Variants in ACAP2 observed in about 807,000 individuals in gnomAD.
ACAP2 encodes ArfGAP with coiled-coil, ankyrin repeat and PH domains 2, also known as arf-GAP with coiled-coil, ANK repeat and PH domain-containing protein 2.
A neutral mutation model predicts 115.8 loss-of-function variants in ACAP2; 39 were observed. The ratio of observed to expected loss-of-function variants is 0.34; its 90% CI spans 0.26 to 0.44. The LOEUF (loss-of-function observed/expected upper bound fraction) is 0.44, where lower values mean the gene tolerates loss of function less well. Ranked by LOEUF, ACAP2 falls within the 20% of genes least tolerant of loss-of-function variation. The pLI, the probability that ACAP2 is intolerant of heterozygous loss-of-function variation, is 1.00. For synonymous variants in ACAP2, 289 were observed against 315.8 expected, an observed-to-expected ratio of 0.92 and a Z score of 0.90; for missense variants, 662 against 927.6, an observed-to-expected ratio of 0.71 and a Z score of 3.72.
intron 6 of ACAP2, among the ~76,000 whole-genome samples, chr3:195,342,188 A>G (rs1321157542): frequency 6.6e-6 from 1 of 152,176 alleles, no homozygotes; most frequent in Non-Finnish European, 1.5e-5. Flanking sequence ...TGACATAACA[A>G]CTCCAGAGAA....
At chr3:195,415,266 G>A (rs1324545001) in intron 1 of ACAP2, among the ~76,000 whole-genome samples, 1 of 149,362 alleles carries the variant, frequency 6.7e-6, no homozygotes, top group Non-Finnish European at 1.5e-5. Context: ...TGAAACTAAA[G>A]CAGCTCTAAA....
At chr3:195,316,286 C>G (rs1366511854) in intron 10 of ACAP2, among the ~76,000 whole-genome samples, 1 of 151,472 alleles carries the variant, frequency 6.6e-6, no homozygotes, top group African/African-American at 2.4e-5. Flanking sequence ...CTTTTTAGAG[C>G]TTAGAAAATG....
intron 9 of ACAP2, among the ~76,000 whole-genome samples, chr3:195,324,952 G>A (rs561991564): frequency 3.5e-4 from 53 of 152,184 alleles, no homozygotes; most frequent in African/African-American, 1.1e-3. Context: ...AGGCAGCCTG[G>A]TGGAAAAATG....
intron 1 of ACAP2, among the ~76,000 whole-genome samples, chr3:195,435,111 G>A (rs551975218): frequency 4.6e-5 from 7 of 150,664 alleles, no homozygotes; most frequent in Admixed American, 2.0e-4. Flanking sequence ...CTTCCCTTTC[G>A]CTGCTTTGAG....
chr3:195,399,120 C>A (rs910307894), intron 1 of ACAP2, among the ~76,000 whole-genome samples: 2 of 152,110 alleles, frequency 1.3e-5, no homozygotes, highest in Admixed American at 6.6e-5. Flanking sequence ...GTAAGATTTC[C>A]TCCAGGCCCT....
rs191541149 is a variant in ACAP2 at position 195,428,596 on chromosome 3, C to A, written c.53+14199G>T. On this transcript the variant is annotated intron_variant, in intron 1 of 22. Coordinates refer to ENST00000326793, the MANE Select transcript of ACAP2 (RefSeq NM_012287.6). The stretch of plus-strand genomic sequence containing the variant: ...TAGGACCCAGAGGCTATATCATATA[C>A]CCTAGATGTGTAGTAGGCTATACCA... Among the ~76,000 whole-genome samples, 930 of 152,120 alleles carry A rather than the reference C, an allele frequency of 6.1e-3. 9 individuals carry two copies. The highest frequency in any genetic ancestry group is 0.021 in the African/African-American group (887 of 41,490).
intron 1 of ACAP2, among the ~76,000 whole-genome samples, chr3:195,411,394 A>T (rs1713249666): frequency 6.6e-6 from 1 of 152,242 alleles, no homozygotes; most frequent in East Asian, 1.9e-4. Context: ...GTCCACCAAC[A>T]GAAAAATGGA....
intron 1 of ACAP2, among the ~76,000 whole-genome samples, chr3:195,438,987 A>G (rs981543293): frequency 6.6e-6 from 1 of 152,060 alleles, no homozygotes; most frequent in African/African-American, 2.4e-5. Flanking sequence ...CTTGAACCCA[A>G]GAGCCGGAGG....
At chr3:195,292,083 CA>C (rs1167587277) in intron 19 of ACAP2, among the ~76,000 whole-genome samples, 181 bp downstream of exon 19, 1 of 152,118 alleles carries the variant, frequency 6.6e-6, no homozygotes, top group Non-Finnish European at 1.5e-5. Context: ...TCTTCCACTG[CA>C]AAAAAACTTG....
chr3:195,391,903 G>A (rs1373637424), intron 2 of ACAP2, among the ~76,000 whole-genome samples, 187 bp downstream of exon 2: 1 of 152,050 alleles, frequency 6.6e-6, no homozygotes, highest in East Asian at 1.9e-4. Flanking sequence ...GCTGAGGCAG[G>A]AGGATCGTTT....
intron 10 of ACAP2, among the ~76,000 whole-genome samples, chr3:195,319,255 G>A (rs774466357): frequency 6.6e-6 from 1 of 152,220 alleles, no homozygotes; most frequent in Non-Finnish European, 1.5e-5. Flanking sequence ...GAGCCCTCAT[G>A]GAGAACCTCT....
chr3:195,311,092 G>GTT lies in ACAP2; in HGVS notation c.858-2257_858-2256dup, dbSNP rs1437329814. Among the ~76,000 whole-genome samples, 10 of 108,900 alleles carry GTT rather than the reference G, an allele frequency of 9.2e-5. No homozygotes were observed. The South Asian group carries it at 1.9e-3, about 20-fold the overall frequency. 71.4% of individuals were successfully genotyped at this position (108,900 alleles called of 152,430 possible). On this transcript the variant is annotated intron_variant, in intron 10 of 22. Transcript: ENST00000326793. ...ATTAACATTTCATTGTGGTTTTTTT[G>GTT]TTTTTTTTTTGTTTTTTTTTTTGAA...
intron 8 of ACAP2, among the ~76,000 whole-genome samples, chr3:195,330,652 T>C (rs892453964): frequency 2.0e-5 from 3 of 152,176 alleles, no homozygotes; most frequent in Non-Finnish European, 2.9e-5. Flanking sequence ...CTTCCCTATA[T>C]GGTGGAAAAG....
chr3:195,318,665 T>C (rs1729246323), intron 10 of ACAP2, among the ~76,000 whole-genome samples: 1 of 152,196 alleles, frequency 6.6e-6, no homozygotes, highest in Non-Finnish European at 1.5e-5. Flanking sequence ...AAGAGGTGAC[T>C]TGGATTTCCC....
intron 1 of ACAP2, among the ~76,000 whole-genome samples, chr3:195,432,324 T>C (rs886153743): frequency 1.6e-4 from 24 of 152,362 alleles, no homozygotes; most frequent in African/African-American, 5.8e-4. Context: ...GTTTTAGGTC[T>C]TCCATGCAGG....
chr3:195,337,649 T>C lies in ACAP2; in HGVS notation c.529-673A>G, dbSNP rs997504847. Reference sequence around the variant, plus strand: ...ATTTAGTAGAGACGGGGTTTCTCCATGTTGGTCGGGCTGGTCTTAACTCCT... The same window carrying C: ...ATTTAGTAGAGACGGGGTTTCTCCACGTTGGTCGGGCTGGTCTTAACTCCT... On this transcript the variant is annotated intron_variant, in intron 6 of 22. Transcript: ENST00000326793. 2.0e-5 allele frequency among the ~76,000 whole-genome samples: 3 copies of C among 152,140 alleles called. No homozygotes were observed. The East Asian group carries it at 5.8e-4, about 29-fold the overall frequency.
At chr3:195,308,409 G>A (rs1331040804) in intron 11 of ACAP2, among the ~76,000 whole-genome samples, 2 of 152,114 alleles carry the variant, frequency 1.3e-5, no homozygotes, top group Admixed American at 6.6e-5. Flanking sequence ...AATGTTTGAG[G>A]TGATGGATAC....
In ACAP2 at chr3:195,333,118, C is replaced by T. The variant is rs1217611560; in HGVS notation, c.579G>A (p.Leu193=). ...AGGCCAAATGGGCATACATAAATGA[C>T]AACATCTAATAGGGAAAAAAAGATG... ...KRRSEILKSM[L]SFMYAHLAFF... The change falls in exon 8 of 23, where the codon TTG becomes TTA. Residue 193 remains leucine, a synonymous_variant. Coordinates refer to ENST00000326793, the MANE Select transcript of ACAP2 (RefSeq NM_012287.6). 1.9e-6 allele frequency: 3 copies of T among 1,593,224 alleles called. No individual in the cohort carries two copies. The highest frequency in any genetic ancestry group is 1.7e-4 in the Middle Eastern group (1 of 6,028).
intron 22 of ACAP2, among the ~76,000 whole-genome samples, chr3:195,283,595 C>A (rs1214202254): frequency 1.3e-5 from 2 of 152,238 alleles, no homozygotes; most frequent in East Asian, 3.9e-4. Context: ...AGAGGAAAAA[C>A]AAACAGCCGC....
Sources: gnomAD v4.1 joint callset for allele counts (sites outside exome capture counted in the v4.1 genomes callset) on GRCh38, gnomAD v4.1.1 for gene constraint, MANE v1.5 for transcripts, NCBI Gene and HGNC (gene_info 2026-07-23, HGNC 2026-07-21) for gene names.